Variants in ETS1 observed in about 807,000 individuals in gnomAD.
ETS1 encodes the protein protein C-ets-1.
A neutral mutation model predicts 58.6 loss-of-function variants in ETS1; 15 were observed. That is an observed-to-expected ratio of 0.26 (90% CI 0.17 to 0.39). The LOEUF is 0.39. Ranked by LOEUF, ETS1 falls within the 10% of genes least tolerant of loss-of-function variation. ETS1 has a pLI of 1.00. For missense variants in ETS1, 417 were observed against 610.5 expected (o/e 0.68, Z 3.34); for synonymous variants, 214 against 218.2 (o/e 0.98, Z 0.17).
chr11:128,535,976 G>T (rs572268401), intron 3 of ETS1, among the ~76,000 whole-genome samples: 16 of 152,262 alleles, frequency 1.1e-4, no homozygotes, highest in African/African-American at 3.6e-4. Flanking sequence ...GTTCCTACTT[G>T]TTAAAGTGGA....
chr11:128,469,710 T>G (rs1862134176), intron 8 of ETS1, among the ~76,000 whole-genome samples: 1 of 152,228 alleles, frequency 6.6e-6, no homozygotes, highest in Non-Finnish European at 1.5e-5. Flanking sequence ...CAAGAAACTG[T>G]ATTGCTGGAC....
intron 3 of ETS1, among the ~76,000 whole-genome samples, chr11:128,493,709 GA>G (rs963663098): frequency 6.6e-6 from 1 of 150,870 alleles, no homozygotes; most frequent in South Asian, 2.1e-4. Context: ...AGTTTAAAAA[GA>G]AAAAAAAAGT....
At chr11:128,503,323 G>A (rs1031255155) in intron 3 of ETS1, among the ~76,000 whole-genome samples, 1 of 152,106 alleles carries the variant, frequency 6.6e-6, no homozygotes, top group South Asian at 2.1e-4. Flanking sequence ...TACTGCTAGG[G>A]CCAACGAACC....
At chr11:128,525,952 A>T (rs1392557113) in intron 3 of ETS1, among the ~76,000 whole-genome samples, 2 of 152,160 alleles carry the variant, frequency 1.3e-5, no homozygotes, top group Non-Finnish European at 2.9e-5. Flanking sequence ...AAGCCAGGGG[A>T]CTCAGATGGT....
At position 128,484,953 on chromosome 11, in the gene ETS1, C is replaced by T. The variant is rs755457313; in HGVS notation, c.732G>A (p.Lys244=). ...TGACCGAGGGGTAGTCATTCTCATA[C>T]TTGAGGGAGAGGAGCTCTTCCGAGC... The part of the protein sequence containing the change: ...PISSEELLSL[K]YENDYPSVIL... The change falls in exon 7 of 10, where the codon AAG becomes AAA. Residue 244 remains lysine, a synonymous_variant. Transcript: ENST00000392668. 3 of 1,614,044 alleles carry T rather than the reference C, an allele frequency of 1.9e-6. No individual in the cohort carries two copies. The highest frequency in any genetic ancestry group is 1.3e-5 in the African/African-American group (1 of 74,966).
At chr11:128,467,051 G>A (rs749124368) in intron 8 of ETS1, among the ~76,000 whole-genome samples, 8 of 152,148 alleles carry the variant, frequency 5.3e-5, no homozygotes, top group South Asian at 2.1e-4. Flanking sequence ...CCGCTGAAGC[G>A]TCCCCTCTAG....
chr11:128,575,961 T>A (rs1248906824), intron 1 of ETS1, among the ~76,000 whole-genome samples: 2 of 152,202 alleles, frequency 1.3e-5, no homozygotes, highest in Non-Finnish European at 2.9e-5. Flanking sequence ...CTCCCCCTCA[T>A]AGCAACACTC....
At position 128,480,104 on chromosome 11, in the gene ETS1, T is replaced by C. The variant is rs1029364522; in HGVS notation, c.1123+87A>G. The C allele has an allele frequency of 2.6e-6, 4 of 1,547,754 alleles. No individual in the cohort carries two copies. The African/African-American group carries it at 5.4e-5, about 21-fold the overall frequency. ...CTGCAAAAGGGAGTCTCTCGTCGTC[T>C]CTGGTCAGAGGTGCAGAGTGCCTTC... On this transcript the variant is annotated intron_variant, in intron 8 of 9. Transcript: ENST00000392668.
At chr11:128,567,710 G>T (rs1238032686) in intron 2 of ETS1, among the ~76,000 whole-genome samples, 1 of 152,050 alleles carries the variant, frequency 6.6e-6, no homozygotes, top group Non-Finnish European at 1.5e-5. Context: ...TTGCCTCACT[G>T]CAACCTCTGC....
At chr11:128,515,396 G>A (rs1371829117) in intron 3 of ETS1, among the ~76,000 whole-genome samples, 1 of 152,120 alleles carries the variant, frequency 6.6e-6, no homozygotes, top group Non-Finnish European at 1.5e-5. Flanking sequence ...AAGTGAACTT[G>A]TCTGAGGTTG....
intron 3 of ETS1, chr11:128,505,121 C>A (rs1863195380): frequency 6.6e-6 from 1 of 152,228 alleles, no homozygotes; most frequent in South Asian, 2.1e-4. Flanking sequence ...CTTCAGTGAT[C>A]TATGAACCTT....
chr11:128,548,333 T>A (rs1001371250), intron 3 of ETS1, among the ~76,000 whole-genome samples: 1 of 151,874 alleles, frequency 6.6e-6, no homozygotes, highest in East Asian at 1.9e-4. Context: ...TCAATACGTT[T>A]TTTTTTTTTT....
At chr11:128,510,713 G>A (rs1424445496) in intron 3 of ETS1, among the ~76,000 whole-genome samples, 4 of 152,108 alleles carry the variant, frequency 2.6e-5, no homozygotes, top group Admixed American at 6.5e-5. Flanking sequence ...CAGGTGTACC[G>A]CCCAACTTCC....
chr11:128,530,542 G>A (rs985643175), intron 3 of ETS1, among the ~76,000 whole-genome samples: 2 of 152,146 alleles, frequency 1.3e-5, no homozygotes, highest in Admixed American at 6.5e-5. Flanking sequence ...TAATGGAAAC[G>A]TGTTTCATCA....
intron 7 of ETS1, among the ~76,000 whole-genome samples, chr11:128,484,097 C>T (rs1862560907): frequency 6.6e-6 from 1 of 152,196 alleles, no homozygotes; most frequent in African/African-American, 2.4e-5. Context: ...GTGCATTTTA[C>T]CTTTTTTGCT....
chr11:128,525,342 T>C (rs1198732723), intron 3 of ETS1, among the ~76,000 whole-genome samples: 1 of 151,962 alleles, frequency 6.6e-6, no homozygotes, highest in African/African-American at 2.4e-5. Flanking sequence ...TTATTTATAC[T>C]CCTCCCTCAA....
rs764464320 is a variant in ETS1 at position 128,489,362 on chromosome 11, C to T, written c.463G>A (p.Asp155Asn). ...NGAALCALGKDCFLELAPDFV... is the reference protein window; with the variant it reads ...NGAALCALGKNCFLELAPDFV... ...TCTGGGGCCAGCTCGAGAAAGCAGT[C>T]TTTACCCAGGGCGCAGAGGGCTGCT... The change falls in exon 5 of 10, where the codon GAC (aspartate) becomes AAC (asparagine). Residue 155 changes from aspartate to asparagine, a missense_variant. By Grantham distance (23) the Asp-to-Asn change is conservative (BLOSUM62 1). Around this residue, in one of 4 missense-constraint regions of ETS1, gnomAD observed 132 missense variants for 212.1 expected, o/e 0.62. Coordinates refer to ENST00000392668, the MANE Select transcript of ETS1 (RefSeq NM_001143820.2). The T allele has an allele frequency of 3.1e-6, 5 of 1,614,210 alleles. No homozygotes were observed. The highest frequency in any genetic ancestry group is 4.5e-5 in the East Asian group (2 of 44,882).
chr11:128,530,172 G>A (rs1863872171), intron 3 of ETS1: 1 of 152,130 alleles, frequency 6.6e-6, no homozygotes, highest in African/African-American at 2.4e-5. Context: ...AGCTCTTAAG[G>A]ACCAAAAAGA....
chr11:128,465,092 G>A (rs1861998813), intron 8 of ETS1, among the ~76,000 whole-genome samples: 1 of 152,148 alleles, frequency 6.6e-6, no homozygotes, highest in South Asian at 2.1e-4. Flanking sequence ...CTACTGACAC[G>A]AGCTATCATC....
Sources: gnomAD v4.1 joint callset for allele counts (sites outside exome capture counted in the v4.1 genomes callset) on GRCh38, gnomAD v4.1.1 for gene constraint, gnomAD v4.1.1 regional missense constraint, MANE v1.5 for transcripts, NCBI Gene and HGNC (gene_info 2026-07-23, HGNC 2026-07-21) for gene names.